KCNN1: variants seen among roughly 807,000 people sequenced by gnomAD.
KCNN1 encodes the protein small conductance calcium-activated potassium channel protein 1.
KCNN1 carries 20 observed loss-of-function variants against 44.7 expected under a neutral mutation model. The observed-to-expected ratio is 0.45, with a 90% CI of 0.32 to 0.65. KCNN1 has a LOEUF of 0.65. KCNN1 is among the 30% of genes least tolerant of loss of function. The pLI is 0.05. For missense variants in KCNN1, 632 were observed against 785.3 expected (o/e 0.80, Z 2.33); for synonymous variants, 324 against 341.7 (o/e 0.95, Z 0.57).
chr19:17,976,137 G>A (rs1375131454), intron 3 of KCNN1, among the ~76,000 whole-genome samples: 1 of 152,012 alleles, frequency 6.6e-6, no homozygotes, highest in African/African-American at 2.4e-5. Flanking sequence ...TCAACGTGGT[G>A]AAACTCCATC....
At chr19:17,997,087 G>C (rs1192711927) in intron 9 of KCNN1, among the ~76,000 whole-genome samples, 1 of 152,212 alleles carries the variant, frequency 6.6e-6, no homozygotes, top group Non-Finnish European at 1.5e-5. Context: ...CTGCCCATAG[G>C]GGGACAGTGC....
At chr19:17,981,607 T>G in intron 3 of KCNN1, 102 bp from the exon 4 acceptor site, 1 of 983,774 alleles carries the variant, frequency 1.0e-6, no homozygotes, top group Non-Finnish European at 1.5e-6. Flanking sequence ...CCTGTGGGGT[T>G]TCAGGCCAGG....
chr19:17,963,576 G>A (rs1024931061), upstream of KCNN1, among the ~76,000 whole-genome samples: 2 of 151,878 alleles, frequency 1.3e-5, no homozygotes, highest in Non-Finnish European at 1.5e-5. Context: ...TTGTCCTCCC[G>A]AAGTGCTGAG....
At chr19:17,976,561 G>A (rs2145932160) in intron 3 of KCNN1, among the ~76,000 whole-genome samples, 1 of 151,720 alleles carries the variant, frequency 6.6e-6, no homozygotes, top group African/African-American at 2.4e-5. Flanking sequence ...TGGGATTACA[G>A]GCATGTGCCA....
chr19:17,999,137 A>G lies in KCNN1; in HGVS notation c.*731A>G, dbSNP rs2033103966. On this transcript the variant is annotated 3_prime_UTR_variant, in exon 10 of 10. Coordinates refer to ENST00000684775, the MANE Select transcript of KCNN1 (RefSeq NM_001386974.1). The stretch of plus-strand genomic sequence containing the variant: ...ATGTCAATTACCACACTGATTCCTC[A>G]TCAGAACTTGACCATGGTGGGATGG... 1 of 152,408 alleles carries G rather than the reference A, an allele frequency of 6.6e-6. No individual in the cohort carries two copies. Among genetic ancestry groups the G allele is most frequent in the African/African-American group, 2.4e-5 (1 of 41,464 alleles). 9.4% of individuals were successfully genotyped at this position (152,408 alleles called of 1,614,324 possible).
Position 17,974,303 on chromosome 19 carries a change from C to T in KCNN1, c.402+13C>T, listed in dbSNP as rs1312015590. 12 of 1,542,024 alleles carry T rather than the reference C, an allele frequency of 7.8e-6. No homozygotes were observed. The highest frequency in any genetic ancestry group is 1.0e-5 in the Non-Finnish European group (12 of 1,143,032). Reference sequence around the variant, plus strand: ...GGTGTACACCAAGGTAGGCGTGGTCCTCCCCCAGGCACTCCAGGGAGGTTC... The same window carrying T: ...GGTGTACACCAAGGTAGGCGTGGTCTTCCCCCAGGCACTCCAGGGAGGTTC... On this transcript the variant is annotated intron_variant, in intron 2 of 9. Coordinates refer to ENST00000684775, the MANE Select transcript of KCNN1 (RefSeq NM_001386974.1). The surrounding 1 kb of genome is among the most constrained non-coding windows in gnomAD (Gnocchi z 7.3).
intron 3 of KCNN1, among the ~76,000 whole-genome samples, chr19:17,976,087 G>A (rs191983869): frequency 1.3e-5 from 2 of 152,240 alleles, no homozygotes; most frequent in Admixed American, 6.5e-5. Flanking sequence ...AGGCCAAGGC[G>A]GGTGGATCAC....
chr19:17,985,508 C>G (rs2032566061), intron 5 of KCNN1, 55 bp downstream of exon 5: 2 of 1,477,130 alleles, frequency 1.4e-6, no homozygotes, highest in South Asian at 2.7e-5. Context: ...GCTGCCCGCT[C>G]CACCAGCCCT....
At chr19:17,955,372 C>A (rs1317154132) in intron 2 of KCNN1, among the ~76,000 whole-genome samples, 5 of 151,368 alleles carry the variant, frequency 3.3e-5, no homozygotes, top group Non-Finnish European at 5.9e-5. Flanking sequence ...ACCAGCCTGG[C>A]CAACAGGGTG....
At position 17,981,663 on chromosome 19, in the gene KCNN1, G is replaced by T. The variant is rs536886746; in HGVS notation, c.499-46G>T. ...CGCGGTGGGGCTGGGCAGGGAGCGC[G>T]GCGCGTGTCTGACACCCATGGCTGG... On this transcript the variant is annotated intron_variant, in intron 3 of 9. Coordinates refer to ENST00000684775, the MANE Select transcript of KCNN1 (RefSeq NM_001386974.1). 9.2e-6 allele frequency: 14 copies of T among 1,518,282 alleles called. No homozygotes were observed. The African/African-American group carries it at 1.9e-4, about 21-fold the overall frequency. The allele number at this position is 1,518,282 out of a possible 1,614,324, so 94.1% of individuals were successfully genotyped here.
intron 9 of KCNN1, among the ~76,000 whole-genome samples, chr19:17,995,454 G>C (rs1483523502): frequency 6.7e-6 from 1 of 149,258 alleles, no homozygotes; most frequent in African/African-American, 2.5e-5. Context: ...GATTACAGGC[G>C]TGAGCCACCG....
chr19:17,985,203 C>T (rs1424438648), intron 4 of KCNN1, 109 bp from the exon 5 acceptor site: 14 of 1,080,508 alleles, frequency 1.3e-5, no homozygotes, highest in African/African-American at 3.2e-5. Context: ...CCCAACGCAG[C>T]GAGGTGGACT....
At chr19:17,989,021 T>C (rs967811145) in intron 6 of KCNN1, among the ~76,000 whole-genome samples, 4 of 151,970 alleles carry the variant, frequency 2.6e-5, no homozygotes, top group African/African-American at 7.3e-5. Flanking sequence ...CGTCCAGCCA[T>C]GAGCATTCAG....
chr19:17,953,448 G>A (rs1397821118), intron 1 of KCNN1, among the ~76,000 whole-genome samples: 1 of 152,196 alleles, frequency 6.6e-6, no homozygotes, highest in African/African-American at 2.4e-5. Flanking sequence ...GGGCAGCTGG[G>A]GGTTTCCCCT....
At chr19:17,980,412 C>G (rs1015328852) in intron 3 of KCNN1, among the ~76,000 whole-genome samples, 6 of 151,578 alleles carry the variant, frequency 4.0e-5, no homozygotes, top group Admixed American at 2.0e-4. Context: ...GTGAATAGTG[C>G]CGTTGTGAAT....
At chr19:17,969,155 T>C (rs1599351753) in intron 1 of KCNN1, among the ~76,000 whole-genome samples, 1 of 152,044 alleles carries the variant, frequency 6.6e-6, no homozygotes, top group Non-Finnish European at 1.5e-5. Context: ...GGAGGGGATG[T>C]GTACCCAGGA....
chr19:17,985,237 G>C, intron 4 of KCNN1, 75 bp from the exon 5 acceptor site: 1 of 1,431,900 alleles, frequency 7.0e-7, no homozygotes, highest in Non-Finnish European at 9.3e-7. Flanking sequence ...CCCTGGCGCT[G>C]CCCCAGGGGG....
At position 17,993,317 on chromosome 19, in the gene KCNN1, C is replaced by T. The variant is rs1243919878; in HGVS notation, c.1308-173C>T. 6.6e-6 allele frequency among the ~76,000 whole-genome samples: 1 copy of T among 152,108 alleles called. No individual in the cohort carries two copies. Among genetic ancestry groups the T allele is most frequent in the Non-Finnish European group, 1.5e-5 (1 of 68,010 alleles). The stretch of plus-strand genomic sequence containing the variant: ...AGGCTGACTTCTGGCCCTGGCGCAC[C>T]GGCTGTGTACTGGGAGGGAATAGAC... On this transcript the variant is annotated intron_variant, in intron 8 of 9. Transcript: ENST00000684775. The surrounding 1 kb of genome is among the most constrained non-coding windows in gnomAD (Gnocchi z 4.5).
chr19:17,959,652 C>T (rs144474410), intron 2 of KCNN1, among the ~76,000 whole-genome samples: 1 of 152,148 alleles, frequency 6.6e-6, no homozygotes, highest in Non-Finnish European at 1.5e-5. Flanking sequence ...ATCAGCCCAA[C>T]TTGGCTTCCC....
Sources: allele counts gnomAD v4.1 joint callset (sites outside exome capture counted in the v4.1 genomes callset), GRCh38; gene constraint gnomAD v4.1.1; non-coding constraint Gnocchi (gnomAD v3.1); transcripts MANE v1.5; gene names NCBI Gene and HGNC (gene_info 2026-07-23, HGNC 2026-07-21).